XPA: variants seen among roughly 807,000 people sequenced by gnomAD.
XPA encodes the protein DNA repair protein complementing XP-A cells.
Under a neutral mutation model 35.7 loss-of-function variants are expected in XPA, and 27 were observed. The observed-to-expected ratio is 0.76, with a 90% CI of 0.56 to 1.04. The LOEUF is 1.04. Ranked by LOEUF, XPA falls within the 50% of genes least tolerant of loss-of-function variation. The pLI, the probability that XPA is intolerant of heterozygous loss-of-function variation, is 0.00. For synonymous variants in XPA, 133 were observed against 118.4 expected (o/e 1.12, Z -0.80); for missense variants, 354 against 342.7 (o/e 1.03, Z -0.26).
intron 4 of XPA, among the ~76,000 whole-genome samples, chr9:97,685,286 TCTGA>T (rs961343532): frequency 4.6e-5 from 7 of 152,238 alleles, no homozygotes; most frequent in African/African-American, 7.2e-5. Context: ...AAAGTTGTCC[TCTGA>T]CTGTATTGTC....
chr9:97,670,296 A>C (rs1056760465), downstream of XPA, among the ~76,000 whole-genome samples: 9 of 152,170 alleles, frequency 5.9e-5, no homozygotes, highest in African/African-American at 1.9e-4. Flanking sequence ...GAGGACAGTA[A>C]TTGGATTTAT....
the XPA span, chr9:97,656,222 G>C: frequency 1.3e-6 from 1 of 746,900 alleles, no homozygotes. Flanking sequence ...TCAAGACTTA[G>C]GCTAAGAAAA....
At chr9:97,658,612 T>C in the XPA span, 4 of 1,532,834 alleles carry the variant, frequency 2.6e-6, no homozygotes, top group African/African-American at 1.4e-5. Flanking sequence ...ATAAAAGATA[T>C]TTTCTGAGGC....
chr9:97,697,324 C>T lies in XPA; in HGVS notation c.-32G>A. On this transcript the variant is annotated 5_prime_UTR_variant, in exon 1 of 6. Transcript: ENST00000375128. ...CCCACTCCGAGGACCTAGCTCCCAG[C>T]TCCACGCACGCGCACTGCACGCCGA... is the stretch of plus-strand genomic sequence containing the variant. 6.3e-7 allele frequency: 1 copy of T among 1,596,252 alleles called. No homozygotes were observed. The highest frequency in any genetic ancestry group is 8.5e-7 in the Non-Finnish European group (1 of 1,178,836).
At chr9:97,660,765 C>G in the XPA span, among the ~76,000 whole-genome samples, 1 of 152,062 alleles carries the variant, frequency 6.6e-6, no homozygotes, top group African/African-American at 2.4e-5. Context: ...AAACCATTAA[C>G]CTATTAGAAA....
At chr9:97,669,267 T>C in the XPA span, among the ~76,000 whole-genome samples, 58 of 152,340 alleles carry the variant, frequency 3.8e-4, no homozygotes, top group African/African-American at 1.3e-3. Context: ...TCATTGCTGA[T>C]CATTTTCCTT....
chr9:97,687,186 TA>T lies in XPA; in HGVS notation c.464del (p.Leu155Ter). 1 of 1,612,458 alleles carries T rather than the reference TA, an allele frequency of 6.2e-7. No individual in the cohort carries two copies. The highest frequency in any genetic ancestry group is 8.5e-7 in the Non-Finnish European group (1 of 1,179,534). ...ATTTAAGAGGTGGCTCTCTTTTTTC[TA>T]AATCACAGTCTTTCAGAAGATATTC... ...KQEYLLKDCDLEKREPPLKFI... is the reference protein window; with the variant it reads ...KQEYLLKDCDXEKREPPLKFI... On this transcript the variant is annotated frameshift_variant, in exon 4 of 6. Coordinates refer to ENST00000375128, the MANE Select transcript of XPA (RefSeq NM_000380.4). LOFTEE classifies it high-confidence loss of function.
chr9:97,665,778 A>G, the XPA span, among the ~76,000 whole-genome samples: 2 of 123,568 alleles, frequency 1.6e-5, no homozygotes, highest in African/African-American at 3.0e-5. Flanking sequence ...CACACAGTCA[A>G]AAATCTGCAT....
chr9:97,670,175 A>G (rs562613674), downstream of XPA: 4 of 230,612 alleles, frequency 1.7e-5, no homozygotes, highest in Non-Finnish European at 3.5e-5. Flanking sequence ...TCCGCCTCCC[A>G]AAGTGCTGCT....
chr9:97,671,971 A>AT (rs1828206201), downstream of XPA: 1 of 152,214 alleles, frequency 6.6e-6, no homozygotes. Context: ...CCTTGGGGTT[A>AT]TTTGTCCAAG....
chr9:97,660,908 T>A, the XPA span: 6 of 1,573,808 alleles, frequency 3.8e-6, no homozygotes, highest in African/African-American at 8.2e-5. Flanking sequence ...TCTTGAAACC[T>A]GATCTGTCAT....
chr9:97,657,069 G>A, the XPA span, among the ~76,000 whole-genome samples: 1 of 152,254 alleles, frequency 6.6e-6, no homozygotes, highest in African/African-American at 2.4e-5. Context: ...CCGGGTTCAC[G>A]CCATTCTCCT....
At chr9:97,674,648 G>C (rs1828293675), downstream of XPA, among the ~76,000 whole-genome samples, 1 of 152,168 alleles carries the variant, frequency 6.6e-6, no homozygotes, top group African/African-American at 2.4e-5. Flanking sequence ...CCTTTCCTTA[G>C]AAGTCTGAAA....
At chr9:97,657,300 T>C in the XPA span, among the ~76,000 whole-genome samples, 1 of 152,238 alleles carries the variant, frequency 6.6e-6, no homozygotes, top group African/African-American at 2.4e-5. Context: ...ATATATAGTG[T>C]TGAGTTGTCA....
At chr9:97,679,263 T>A (rs781342617) in intron 5 of XPA, among the ~76,000 whole-genome samples, 2 of 152,152 alleles carry the variant, frequency 1.3e-5, no homozygotes, top group Non-Finnish European at 2.9e-5. Context: ...AAATAAATAC[T>A]GTGTATGTAT....
chr9:97,664,306 T>C, the XPA span: 1 of 1,309,824 alleles, frequency 7.6e-7, no homozygotes, highest in Non-Finnish European at 1.1e-6. Flanking sequence ...TGTATGTGTG[T>C]GTGTGATTTA....
Position 97,689,663 on chromosome 9 carries a change from A to T in XPA, c.284-24T>A, listed in dbSNP as rs201053639. ...TCCTAAGAAAAGGAAAATGAACTCT[A>T]GTTTCCTTTTTTATGACTAGAACAA... On this transcript the variant is annotated intron_variant, in intron 2 of 5. Transcript: ENST00000375128. The T allele has an allele frequency of 3.5e-4, 513 of 1,450,254 alleles. 1 individual carries two copies. The highest frequency in any genetic ancestry group is 6.2e-5 in the Non-Finnish European group (64 of 1,034,708). 89.8% of individuals were successfully genotyped at this position (1,450,254 alleles called of 1,614,324 possible). A position where few individuals can be genotyped will look rare whatever the true frequency, so the allele number is the denominator to read the frequency against.
At chr9:97,697,018 G>A in intron 1 of XPA, 103 bp downstream of exon 1, 1 of 1,386,738 alleles carries the variant, frequency 7.2e-7, no homozygotes, top group Non-Finnish European at 9.5e-7. Context: ...TACGCCAGCG[G>A]AGTTGACGCG....
At chr9:97,669,716 G>A in the XPA span, 7 of 1,505,926 alleles carry the variant, frequency 4.6e-6, no homozygotes, top group Non-Finnish European at 6.5e-6. Flanking sequence ...GGTATGTGGG[G>A]AACTTCGATT....
Sources: gnomAD v4.1 joint callset for allele counts (sites outside exome capture counted in the v4.1 genomes callset) on GRCh38, gnomAD v4.1.1 for gene constraint, MANE v1.5 for transcripts, NCBI Gene and HGNC (gene_info 2026-07-23, HGNC 2026-07-21) for gene names.